CYTH1: variants seen among roughly 807,000 people sequenced by gnomAD.
CYTH1 encodes cytohesin 1.
Under a neutral mutation model 61.8 loss-of-function variants are expected in CYTH1, and 18 were observed. That is an observed-to-expected ratio of 0.29 (90% CI 0.20 to 0.43). CYTH1 has a LOEUF of 0.43. Among genes scored for constraint, CYTH1 ranks in the 20% least tolerant of loss-of-function variants. CYTH1 has a pLI of 1.00. For synonymous variants in CYTH1, 174 were observed against 184.3 expected (o/e 0.94, Z 0.45); for missense variants, 336 against 510.5 (o/e 0.66, Z 3.29).
chr17:78,702,288 T>G, intron 4 of CYTH1, 48 bp from the exon 5 acceptor site: 1 of 1,497,644 alleles, frequency 6.7e-7, no homozygotes, highest in Non-Finnish European at 9.3e-7. Flanking sequence ...TGGGAAACAG[T>G]TGAAAAGAAG....
chr17:78,707,733 T>C (rs891148523), intron 3 of CYTH1, among the ~76,000 whole-genome samples: 1 of 149,940 alleles, frequency 6.7e-6, no homozygotes, highest in Non-Finnish European at 1.5e-5. Flanking sequence ...CAGGCTGGAG[T>C]GCAGTGGCGC....
At chr17:78,775,306 T>G (rs1023045960) in intron 1 of CYTH1, among the ~76,000 whole-genome samples, 2 of 152,326 alleles carry the variant, frequency 1.3e-5, no homozygotes, top group African/African-American at 4.8e-5. Flanking sequence ...CTTGAAAGCC[T>G]CGGGTGCTAA....
At chr17:78,706,208 A>C (rs1453400557) in intron 3 of CYTH1, among the ~76,000 whole-genome samples, 1 of 152,194 alleles carries the variant, frequency 6.6e-6, no homozygotes, top group African/African-American at 2.4e-5. Context: ...TGATGAGTGC[A>C]TATACCCTTG....
chr17:78,740,248 C>T (rs1425343786), intron 1 of CYTH1, among the ~76,000 whole-genome samples: 1 of 152,294 alleles, frequency 6.6e-6, no homozygotes, highest in East Asian at 1.9e-4. Flanking sequence ...GAGCTGCTAT[C>T]TTCTGATATG....
Position 78,732,958 on chromosome 17 carries a change from G to A in CYTH1, c.23-23226C>T, listed in dbSNP as rs374761143. Among the ~76,000 whole-genome samples the A allele has an allele frequency of 8.6e-5, 13 of 151,876 alleles. 4 individuals are homozygous for A. Among genetic ancestry groups the A allele is most frequent in the African/African-American group, 7.2e-5 (3 of 41,430 alleles). On this transcript the variant is annotated intron_variant, in intron 1 of 13. Transcript: ENST00000446868. ...AAAAATTAGCCGGGCGTGGTGGTAC[G>A]TTCCTGTAGTCCCAGCTACTCGGGA...
Position 78,717,217 on chromosome 17 carries a change from A to G in CYTH1, c.23-7485T>C, listed in dbSNP as rs12950520. ...TGTCCCTGCCGGCAGCCTGAGCACA[A>G]TGGAGACAAACCAGAGGGGGAGCCG... On this transcript the variant is annotated intron_variant, in intron 1 of 13. Transcript: ENST00000446868. The surrounding 1 kb of genome is among the most constrained non-coding windows in gnomAD (Gnocchi z 4.4). 0.058 allele frequency among the ~76,000 whole-genome samples: 8,861 copies of G among 152,212 alleles called. 487 individuals carry two copies. Among genetic ancestry groups the G allele is most frequent in the South Asian group, 0.15 (725 of 4,824 alleles).
intron 1 of CYTH1, among the ~76,000 whole-genome samples, chr17:78,743,984 C>T (rs1196110366): frequency 6.6e-6 from 1 of 152,170 alleles, no homozygotes; most frequent in Non-Finnish European, 1.5e-5. Context: ...AAGTATTCTC[C>T]AATCCCCTAC....
chr17:78,683,814 G>A (rs1225316940), intron 11 of CYTH1, among the ~76,000 whole-genome samples: 1 of 152,190 alleles, frequency 6.6e-6, no homozygotes, highest in African/African-American at 2.4e-5. Flanking sequence ...TTCTGCTTCT[G>A]GTTTTTACCC....
intron 1 of CYTH1, among the ~76,000 whole-genome samples, chr17:78,769,338 T>G (rs1567884634): frequency 6.6e-6 from 1 of 151,786 alleles, no homozygotes; most frequent in Non-Finnish European, 1.5e-5. Flanking sequence ...AAAGAACCAT[T>G]TGTAGCTCCC....
rs1347477945 is a variant in CYTH1 at position 78,776,552 on chromosome 17, A to G, written c.22+5650T>C. On this transcript the variant is annotated intron_variant, in intron 1 of 13. Coordinates refer to ENST00000446868, the MANE Select transcript of CYTH1 (RefSeq NM_004762.6). ...CACACGCCTGTTGTCCCAGCTACTC[A>G]GGAGGCTGAGGCACGAGAATCGCTT... is the stretch of plus-strand genomic sequence containing the variant. Among the ~76,000 whole-genome samples, 3 of 151,420 alleles carry G rather than the reference A, an allele frequency of 2.0e-5. No individual in the cohort carries two copies. The South Asian group carries it at 6.3e-4, about 32-fold the overall frequency.
rs76381896 is a variant in CYTH1 at position 78,756,170 on chromosome 17, G to T, written c.22+26032C>A. ...AGCTCACTGCAACCGTCACACCCTG[G>T]GTTCAAGCGATTCTTGTGCCACGGC... is the stretch of plus-strand genomic sequence containing the variant. On this transcript the variant is annotated intron_variant, in intron 1 of 13. Transcript: ENST00000446868. 4.2e-3 allele frequency among the ~76,000 whole-genome samples: 634 copies of T among 151,290 alleles called. 6 individuals are homozygous for T. The highest frequency in any genetic ancestry group is 0.014 in the African/African-American group (596 of 41,166).
intron 10 of CYTH1, among the ~76,000 whole-genome samples, chr17:78,693,423 G>A (rs145241720): frequency 4.0e-3 from 608 of 152,158 alleles, no homozygotes; most frequent in Middle Eastern, 0.01. Context: ...AGGAGTTCAA[G>A]ACCAGCCGGC....
rs139889127 is a variant in CYTH1 at position 78,711,302 on chromosome 17, AATAT to A, written c.23-1574_23-1571del. Among the ~76,000 whole-genome samples the A allele has an allele frequency of 4.7e-3, 623 of 132,148 alleles. 3 individuals are homozygous for A. Among genetic ancestry groups the A allele is most frequent in the African/African-American group, 0.011 (356 of 33,250 alleles). 86.7% of individuals were successfully genotyped at this position (132,148 alleles called of 152,430 possible). On this transcript the variant is annotated intron_variant, in intron 1 of 13. Coordinates refer to ENST00000446868, the MANE Select transcript of CYTH1 (RefSeq NM_004762.6). ...TAAATAAATAAATAAATAAATAAATAATATATATATATACACACACACACACACA... is the reference window on the plus strand; with the variant it reads ...TAAATAAATAAATAAATAAATAAATAATATATATACACACACACACACACA...
chr17:78,768,214 C>T (rs766060777), intron 1 of CYTH1, among the ~76,000 whole-genome samples: 2 of 152,160 alleles, frequency 1.3e-5, no homozygotes, highest in Non-Finnish European at 2.9e-5. Context: ...CATCTAGTTA[C>T]CTGAAGAGTT....
At position 78,675,912 on chromosome 17, in the gene CYTH1, G is replaced by T; in HGVS notation, c.*179C>A. The T allele has an allele frequency of 2.0e-6, 3 of 1,532,338 alleles. No homozygotes were observed. Among genetic ancestry groups the T allele is most frequent in the Non-Finnish European group, 2.6e-6 (3 of 1,138,376 alleles). 94.9% of individuals were successfully genotyped at this position (1,532,338 alleles called of 1,614,324 possible). On this transcript the variant is annotated 3_prime_UTR_variant, in exon 14 of 14. Transcript: ENST00000446868. The stretch of plus-strand genomic sequence containing the variant: ...CAGGTGGCCGGTCCTCTCTTCCCCA[G>T]TGATAACTGCCCACCCTTCTCCCAC...
chr17:78,772,538 GTT>G (rs939907165), intron 1 of CYTH1, among the ~76,000 whole-genome samples: 4 of 151,904 alleles, frequency 2.6e-5, no homozygotes, highest in Non-Finnish European at 5.9e-5. Context: ...GTTTTGTTTC[GTT>G]TTTGTTTTTG....
chr17:78,782,229 G>T lies in CYTH1; in HGVS notation c.-6C>A. The stretch of plus-strand genomic sequence containing the variant: ...TAGCTGTCGTCCTCCTCCATGGTGC[G>T]GGAGCCGGGCTCCGCGCTCCGGCTC... On this transcript the variant is annotated 5_prime_UTR_variant, in exon 1 of 14. Coordinates refer to ENST00000446868, the MANE Select transcript of CYTH1 (RefSeq NM_004762.6). 1 of 1,330,106 alleles carries T rather than the reference G, an allele frequency of 7.5e-7. No individual in the cohort carries two copies. The allele number at this position is 1,330,106 out of a possible 1,614,324, so 82.4% of individuals were successfully genotyped here. A position where few individuals can be genotyped will look rare whatever the true frequency, so the allele number is the denominator to read the frequency against.
chr17:78,773,447 T>C lies in CYTH1; in HGVS notation c.22+8755A>G, dbSNP rs188817815. Among the ~76,000 whole-genome samples the C allele has an allele frequency of 3.7e-3, 565 of 152,194 alleles. 6 individuals carry two copies. Among genetic ancestry groups the C allele is most frequent in the Non-Finnish European group, 4.5e-3 (308 of 68,000 alleles). ...GAGTTTGAGGCCAGCCTTACCAACA[T>C]GGTGAAACCCCATCTCTACTAAAAA... is the stretch of plus-strand genomic sequence containing the variant. On this transcript the variant is annotated intron_variant, in intron 1 of 13. Coordinates refer to ENST00000446868, the MANE Select transcript of CYTH1 (RefSeq NM_004762.6).
rs541646462 is a variant in CYTH1 at position 78,759,802 on chromosome 17, G to C, written c.22+22400C>G. Among the ~76,000 whole-genome samples the C allele has an allele frequency of 9.2e-5, 14 of 152,274 alleles. 1 individual carries two copies. In the South Asian group the frequency reaches 1.5e-3, roughly 16 times the overall value. Reference sequence around the variant, plus strand: ...AAATCATTTTATACACTCAACACGGGAAATGAAGGGAAGCATCTCTGGCCA... The same window carrying C: ...AAATCATTTTATACACTCAACACGGCAAATGAAGGGAAGCATCTCTGGCCA... On this transcript the variant is annotated intron_variant, in intron 1 of 13. Transcript: ENST00000446868.
Sources: allele counts gnomAD v4.1 joint callset (sites outside exome capture counted in the v4.1 genomes callset), GRCh38; gene constraint gnomAD v4.1.1; non-coding constraint Gnocchi (gnomAD v3.1); transcripts MANE v1.5; gene names NCBI Gene and HGNC (gene_info 2026-07-23, HGNC 2026-07-21).